Variants in TCF12 observed in about 807,000 individuals in gnomAD.
The protein encoded by TCF12 is transcription factor 12, also known as DNA-binding protein HTF4.
In TCF12, 45 loss-of-function variants were observed where a neutral mutation model predicts 86.0. The ratio of observed to expected loss-of-function variants is 0.52; its 90% confidence interval spans 0.41 to 0.67. The LOEUF is 0.67. TCF12 is among the 30% of genes least tolerant of loss of function. The pLI is 0.00. For synonymous variants in TCF12, 330 were observed against 299.6 expected (o/e 1.10, Z -1.05); for missense variants, 881 against 859.9 (o/e 1.02, Z -0.31).
Position 57,119,136 on chromosome 15 carries a change from A to T in TCF12, c.325+27245A>T, listed in dbSNP as rs377494763. On this transcript the variant is annotated intron_variant, in intron 5 of 20. Coordinates refer to ENST00000333725, the MANE Select transcript of TCF12 (RefSeq NM_207037.2). ...TGTGACGGAGTCTCACTCTTTCACC[A>T]GGCTGGAGTGCAGTGGCACGATCTC... is the stretch of plus-strand genomic sequence containing the variant. Among the ~76,000 whole-genome samples, 21 of 152,052 alleles carry T rather than the reference A, an allele frequency of 1.4e-4. 1 individual carries two copies. The highest frequency in any genetic ancestry group is 1.2e-3 in the East Asian group (6 of 5,188).
At chr15:57,153,924 G>T (rs902642538) in intron 5 of TCF12, among the ~76,000 whole-genome samples, 1 of 151,508 alleles carries the variant, frequency 6.6e-6, no homozygotes, top group Non-Finnish European at 1.5e-5. Flanking sequence ...CAGCCCAAGA[G>T]TTCAAGGTTG....
intron 19 of TCF12, among the ~76,000 whole-genome samples, chr15:57,278,942 CT>C (rs67020277): frequency 0.7 from 82,937 of 117,720 alleles, 29,266 homozygotes; most frequent in East Asian, 0.8. Flanking sequence ...TCCTTCCTTC[CT>C]TTTTTTTTTT....
chr15:56,940,438 A>G (rs72749416), intron 3 of TCF12, among the ~76,000 whole-genome samples: 6,087 of 151,748 alleles, frequency 0.04, 183 homozygotes, highest in Non-Finnish European at 0.06. Flanking sequence ...GTCTTTAGCA[A>G]TTGTTTCTTC....
chr15:57,102,914 A>G (rs1471260441), intron 5 of TCF12, among the ~76,000 whole-genome samples: 1 of 152,212 alleles, frequency 6.6e-6, no homozygotes, highest in Admixed American at 6.5e-5. Context: ...CAAGATAGCA[A>G]TATAAGATTG....
chr15:56,958,926 T>G (rs2061620127), intron 3 of TCF12, among the ~76,000 whole-genome samples: 2 of 152,162 alleles, frequency 1.3e-5, no homozygotes, highest in Admixed American at 6.5e-5. Context: ...TTTATACTAC[T>G]TATCTAGTGG....
Position 56,948,121 on chromosome 15 carries a change from CT to C in TCF12, c.148+27034del, listed in dbSNP as rs112135157. ...AATGAGATGATGCGTACAAAAATAC[CT>C]TTTTTTTTTTATTTTTTGAGATGGG... is the stretch of plus-strand genomic sequence containing the variant. On this transcript the variant is annotated intron_variant, in intron 3 of 20. Transcript: ENST00000333725. Among the ~76,000 whole-genome samples the C allele has an allele frequency of 2.3e-4, 33 of 146,588 alleles. 1 individual carries two copies. Among genetic ancestry groups the C allele is most frequent in the Admixed American group, 6.2e-4 (9 of 14,622 alleles).
chr15:56,956,119 A>G (rs1399824119), intron 3 of TCF12, among the ~76,000 whole-genome samples: 2 of 151,986 alleles, frequency 1.3e-5, no homozygotes, highest in African/African-American at 4.8e-5. Context: ...TTCTACCTAA[A>G]GAACAGTTTA....
chr15:57,265,832 CAAACAA>C (rs1449685366), intron 18 of TCF12, among the ~76,000 whole-genome samples: 2 of 152,082 alleles, frequency 1.3e-5, no homozygotes, highest in African/African-American at 4.8e-5. Context: ...TTGTTTATAA[CAAACAA>C]AGAGTTAACG....
At position 56,933,732 on chromosome 15, in the gene TCF12, A is replaced by G. The variant is rs542285045; in HGVS notation, c.148+12634A>G. On this transcript the variant is annotated intron_variant, in intron 3 of 20. Transcript: ENST00000333725. ...ATATTAGTTATTAGGTGGCATAGCA[A>G]GTCTTGAAAGGGATTCCAAGCTTTT... 9.2e-4 allele frequency among the ~76,000 whole-genome samples: 140 copies of G among 152,294 alleles called. 1 individual carries two copies. The highest frequency in any genetic ancestry group is 3.1e-3 in the African/African-American group (127 of 41,570).
At chr15:57,270,129 C>T (rs2061064834) in intron 18 of TCF12, among the ~76,000 whole-genome samples, 1 of 152,160 alleles carries the variant, frequency 6.6e-6, no homozygotes, top group African/African-American at 2.4e-5. Context: ...GGAAGTTCTC[C>T]TGGATAATAT....
At chr15:57,246,979 A>T (rs2059894154) in intron 13 of TCF12, 4 of 539,266 alleles carry the variant, frequency 7.4e-6, no homozygotes, top group Admixed American at 1.9e-5. Flanking sequence ...CTGCTACCAT[A>T]TCCACCACTT....
At chr15:56,918,475 C>T (rs572628686), upstream of TCF12, 64 of 323,398 alleles carry the variant, frequency 2.0e-4, no homozygotes, top group East Asian at 1.8e-3. Context: ...CCAACTCCGT[C>T]CCGCCTCACC....
At chr15:57,266,204 A>C (rs967975453) in intron 18 of TCF12, among the ~76,000 whole-genome samples, 1 of 151,894 alleles carries the variant, frequency 6.6e-6, no homozygotes, top group Non-Finnish European at 1.5e-5. Context: ...CAGCCTCCCA[A>C]GTAGCTGGGA....
chr15:57,143,014 G>T (rs1194565925), intron 5 of TCF12, among the ~76,000 whole-genome samples: 2 of 151,984 alleles, frequency 1.3e-5, no homozygotes, highest in African/African-American at 4.8e-5. Context: ...GAGTATATTT[G>T]GACTGATTAT....
intron 3 of TCF12, among the ~76,000 whole-genome samples, chr15:57,062,017 C>T (rs964481671): frequency 2.0e-5 from 3 of 151,822 alleles, no homozygotes; most frequent in Admixed American, 6.6e-5. Context: ...AGTGCAGTGG[C>T]ACAATCTCGG....
intron 3 of TCF12, among the ~76,000 whole-genome samples, chr15:57,036,430 C>G (rs1245734350): frequency 6.6e-6 from 1 of 152,188 alleles, no homozygotes; most frequent in Admixed American, 6.5e-5. Context: ...AACTGCCAGA[C>G]TGTTTTCCAG....
intron 3 of TCF12, among the ~76,000 whole-genome samples, chr15:57,038,989 A>C (rs1053211764): frequency 7.9e-5 from 12 of 152,148 alleles, no homozygotes; most frequent in Non-Finnish European, 1.8e-4. Context: ...ATGAAAAGGT[A>C]CTCCAAATGC....
At position 56,952,521 on chromosome 15, in the gene TCF12, C is replaced by T. The variant is rs150046794; in HGVS notation, c.148+31423C>T. Among the ~76,000 whole-genome samples, 21 of 152,094 alleles carry T rather than the reference C, an allele frequency of 1.4e-4. No homozygotes were observed. In the East Asian group the frequency reaches 3.9e-3, roughly 28 times the overall value. On this transcript the variant is annotated intron_variant, in intron 3 of 20. Coordinates refer to ENST00000333725, the MANE Select transcript of TCF12 (RefSeq NM_207037.2). ...TAGGGTTTTCTGATCCATGTAGATG[C>T]TGTAGCATTCCATTTATTTAGGTTG...
At chr15:57,273,605 C>T (rs1352007481) in intron 19 of TCF12, among the ~76,000 whole-genome samples, 1 of 152,046 alleles carries the variant, frequency 6.6e-6, no homozygotes, top group Non-Finnish European at 1.5e-5. Flanking sequence ...TGCCCTCCTC[C>T]CTGCTCTTTA....
Sources: allele counts gnomAD v4.1 joint callset (sites outside exome capture counted in the v4.1 genomes callset), GRCh38; gene constraint gnomAD v4.1.1; transcripts MANE v1.5; gene names NCBI Gene and HGNC (gene_info 2026-07-23, HGNC 2026-07-21).